The following SETBP1 variants were observed in gnomAD, a reference collection of about 807,000 sequenced individuals.
The protein encoded by SETBP1 is SET binding protein 1, also known as SET-binding protein.
In SETBP1, 9 loss-of-function variants were observed where a neutral mutation model predicts 101.0. That is an observed-to-expected ratio of 0.09 (90% confidence interval 0.05 to 0.16). The LOEUF (loss-of-function observed/expected upper bound fraction) is 0.16, where lower values mean the gene tolerates loss of function less well. Ranked by LOEUF, SETBP1 falls within the 10% of genes least tolerant of loss-of-function variation. SETBP1 has a pLI of 1.00. For synonymous variants in SETBP1, 818 were observed against 788.5 expected (o/e 1.04, Z -0.63); for missense variants, 1,858 against 2,033.8 (o/e 0.91, Z 1.66).
At chr18:44,806,380 A>C (rs1189572927) in intron 2 of SETBP1, among the ~76,000 whole-genome samples, 1 of 152,058 alleles carries the variant, frequency 6.6e-6, no homozygotes, top group Non-Finnish European at 1.5e-5. Flanking sequence ...TCTTCTGTGT[A>C]ATATTTTCTC....
chr18:44,717,511 C>G (rs925942336), intron 2 of SETBP1, among the ~76,000 whole-genome samples: 2 of 152,232 alleles, frequency 1.3e-5, no homozygotes, highest in Non-Finnish European at 2.9e-5. Flanking sequence ...CTGCTGGCCT[C>G]TGGCTCTGCA....
At chr18:44,907,927 A>G (rs2070213570) in intron 3 of SETBP1, among the ~76,000 whole-genome samples, 1 of 152,208 alleles carries the variant, frequency 6.6e-6, no homozygotes, top group Non-Finnish European at 1.5e-5. Flanking sequence ...GTCAAAAAAT[A>G]TACTCATGTT....
At chr18:44,807,513 C>A (rs1465913157) in intron 2 of SETBP1, among the ~76,000 whole-genome samples, 1 of 151,984 alleles carries the variant, frequency 6.6e-6, no homozygotes, top group African/African-American at 2.4e-5. Flanking sequence ...ATGTTTCTGG[C>A]CGAGAGTACT....
At chr18:44,859,878 C>G (rs962836838) in intron 2 of SETBP1, among the ~76,000 whole-genome samples, 1 of 152,216 alleles carries the variant, frequency 6.6e-6, no homozygotes, top group South Asian at 2.1e-4. Context: ...TTATCCCTTT[C>G]GGATGCCCAC....
chr18:44,688,406 G>A lies in SETBP1; in HGVS notation c.-173+7385G>A, dbSNP rs149991068. Among the ~76,000 whole-genome samples the A allele has an allele frequency of 1.3e-3, 193 of 152,136 alleles. 1 individual carries two copies. Among genetic ancestry groups the A allele is most frequent in the South Asian group, 3.9e-3 (19 of 4,818 alleles). The stretch of plus-strand genomic sequence containing the variant: ...CTTGTAGCAGACTAATGAAATCTGC[G>A]TGGCAAGTCCTGTACAGTTGTTGGT... On this transcript the variant is annotated intron_variant, in intron 1 of 5. Transcript: ENST00000649279.
In SETBP1 at chr18:44,762,442, G is replaced by A. The variant is rs186028456; in HGVS notation, c.486+60610G>A. On this transcript the variant is annotated intron_variant, in intron 2 of 5. Transcript: ENST00000649279. Reference sequence around the variant, plus strand: ...GAGGTATTTGTCCATTCTTTTCTGTGTCCCAGGTATGGAGGTAGAGGTGGG... The same window carrying A: ...GAGGTATTTGTCCATTCTTTTCTGTATCCCAGGTATGGAGGTAGAGGTGGG... Among the ~76,000 whole-genome samples the A allele has an allele frequency of 1.6e-4, 25 of 152,344 alleles. No individual in the cohort carries two copies. The East Asian group carries it at 4.6e-3, about 28-fold the overall frequency.
At chr18:44,998,943 A>AGAGCTACTGATGTCTT (rs2072558089) in intron 4 of SETBP1, among the ~76,000 whole-genome samples, 1 of 152,260 alleles carries the variant, frequency 6.6e-6, no homozygotes, top group Non-Finnish European at 1.5e-5. Context: ...CAGTGGAATC[A>AGAGCTACTGATGTCTT]GAGCTACTGA....
chr18:44,688,149 G>C (rs2068867563), intron 1 of SETBP1, among the ~76,000 whole-genome samples: 1 of 152,296 alleles, frequency 6.6e-6, no homozygotes, highest in South Asian at 2.1e-4. Flanking sequence ...TTTTAACCCA[G>C]GATCTAGTAA....
At chr18:44,795,829 A>T (rs2071463957) in intron 2 of SETBP1, among the ~76,000 whole-genome samples, 1 of 152,228 alleles carries the variant, frequency 6.6e-6, no homozygotes, top group African/African-American at 2.4e-5. Context: ...GTTAGAGAGT[A>T]ACACAGAGAT....
At chr18:44,998,192 G>A (rs1395769245) in intron 4 of SETBP1, among the ~76,000 whole-genome samples, 8 of 152,170 alleles carry the variant, frequency 5.3e-5, no homozygotes, top group Non-Finnish European at 1.0e-4. Flanking sequence ...ATGATGGTTC[G>A]GGGCAGAGAG....
intron 5 of SETBP1, among the ~76,000 whole-genome samples, chr18:45,048,509 C>T (rs2073656503): frequency 6.6e-6 from 1 of 152,192 alleles, no homozygotes; most frequent in Admixed American, 6.5e-5. Context: ...ACTCCCCCTT[C>T]CAAATACTCT....
At chr18:44,799,808 C>A (rs2071564213) in intron 2 of SETBP1, among the ~76,000 whole-genome samples, 1 of 152,134 alleles carries the variant, frequency 6.6e-6, no homozygotes, top group South Asian at 2.1e-4. Flanking sequence ...ACCTCACTCA[C>A]CTCCCTTTTG....
intron 2 of SETBP1, among the ~76,000 whole-genome samples, chr18:44,744,458 G>A (rs1020865759): frequency 1.3e-5 from 2 of 152,240 alleles, no homozygotes; most frequent in African/African-American, 4.8e-5. Context: ...ACCCTAAGCC[G>A]CTGCCTCCTG....
chr18:44,790,646 G>T (rs997328875), intron 2 of SETBP1, among the ~76,000 whole-genome samples: 9 of 152,198 alleles, frequency 5.9e-5, no homozygotes, highest in African/African-American at 2.2e-4. Context: ...AGTATTGGCT[G>T]CATGACAGAA....
At position 44,779,949 on chromosome 18, in the gene SETBP1, C is replaced by T. The variant is rs772979787; in HGVS notation, c.486+78117C>T. ...ACACACGCACGCACACACACACGCA[C>T]GCACACACGCATGCACACACACACG... On this transcript the variant is annotated intron_variant, in intron 2 of 5. Coordinates refer to ENST00000649279, the MANE Select transcript of SETBP1 (RefSeq NM_015559.3). Among the ~76,000 whole-genome samples, 15 of 151,902 alleles carry T rather than the reference C, an allele frequency of 9.9e-5. No homozygotes were observed. The South Asian group carries it at 2.5e-3, about 25-fold the overall frequency.
chr18:44,964,767 A>G, intron 4 of SETBP1, among the ~76,000 whole-genome samples: 1 of 152,082 alleles, frequency 6.6e-6, no homozygotes, highest in East Asian at 1.9e-4. Context: ...CTCCAGCCTA[A>G]CTTAGGAAAA....
chr18:44,826,823 C>T (rs1483853671), intron 2 of SETBP1, among the ~76,000 whole-genome samples: 1 of 152,162 alleles, frequency 6.6e-6, no homozygotes, highest in Non-Finnish European at 1.5e-5. Context: ...GAGGCCCCTG[C>T]AGACCAGACC....
At chr18:44,948,600 G>T (rs1472915955) in intron 3 of SETBP1, among the ~76,000 whole-genome samples, 1 of 152,084 alleles carries the variant, frequency 6.6e-6, no homozygotes, top group Non-Finnish European at 1.5e-5. Context: ...TCCTGGAGTG[G>T]TTCTTTAATT....
At position 44,875,489 on chromosome 18, in the gene SETBP1, G is replaced by A. The variant is rs190374234; in HGVS notation, c.540+6206G>A. Among the ~76,000 whole-genome samples, 1,276 of 136,232 alleles carry A rather than the reference G, an allele frequency of 9.4e-3. 13 individuals are homozygous for A. The highest frequency in any genetic ancestry group is 0.034 in the African/African-American group (1,223 of 35,988). 89.4% of individuals were successfully genotyped at this position (136,232 alleles called of 152,430 possible). A position where few individuals can be genotyped will look rare whatever the true frequency, so the allele number is the denominator to read the frequency against. Reference sequence around the variant, plus strand: ...TCGGGGAGTGAGCCGAGATCGCGCCGCTGCACTCCAGCCTGGCAAGAGAGC... The same window carrying A: ...TCGGGGAGTGAGCCGAGATCGCGCCACTGCACTCCAGCCTGGCAAGAGAGC... On this transcript the variant is annotated intron_variant, in intron 3 of 5. Transcript: ENST00000649279.
Sources: gnomAD v4.1 joint callset for allele counts (sites outside exome capture counted in the v4.1 genomes callset) on GRCh38, gnomAD v4.1.1 for gene constraint, MANE v1.5 for transcripts, NCBI Gene and HGNC (gene_info 2026-07-23, HGNC 2026-07-21) for gene names.